NBEAL1: variants seen among roughly 807,000 people sequenced by gnomAD.
The protein encoded by NBEAL1 is neurobeachin like 1, also known as neurobeachin-like protein 1.
Under a neutral mutation model 351.3 loss-of-function variants are expected in NBEAL1, and 273 were observed. The ratio of observed to expected loss-of-function variants is 0.78; its 90% CI spans 0.70 to 0.86. The LOEUF is 0.86. Ranked by LOEUF, NBEAL1 falls within the 40% of genes least tolerant of loss-of-function variation. The pLI is 0.00. For missense variants in NBEAL1, 2,961 were observed against 3,201.3 expected, an observed-to-expected ratio of 0.92 and a Z score of 1.81; for synonymous variants, 1,050 against 1,086.4, an observed-to-expected ratio of 0.97 and a Z score of 0.66.
chr2:203,134,694 T>C (rs2063157636), intron 27 of NBEAL1, among the ~76,000 whole-genome samples: 1 of 152,232 alleles, frequency 6.6e-6, no homozygotes, highest in African/African-American at 2.4e-5. Flanking sequence ...CTTGTTTTTA[T>C]CTAAAAATTT....
chr2:203,130,875 G>T (rs1227998730), intron 25 of NBEAL1, among the ~76,000 whole-genome samples: 2 of 152,122 alleles, frequency 1.3e-5, no homozygotes, highest in East Asian at 3.8e-4. Context: ...CATGAAGTGG[G>T]TATTATTACT....
intron 36 of NBEAL1, among the ~76,000 whole-genome samples, chr2:203,164,601 T>G (rs2064075355): frequency 6.6e-6 from 1 of 152,164 alleles, no homozygotes; most frequent in East Asian, 1.9e-4. Flanking sequence ...AATATTAGTA[T>G]TTCAGTGTTT....
At position 203,220,221 on chromosome 2, in the gene NBEAL1, C is replaced by T. The variant is rs139548029; in HGVS notation, c.*2867C>T. On this transcript the variant is annotated 3_prime_UTR_variant, in exon 56 of 56. Transcript: ENST00000683969. ...TGTTACCTGGCCAATTGTGGTGGCT[C>T]ACGCCTATAATCCCAGCTCTTTGGG... is the stretch of plus-strand genomic sequence containing the variant. Among the ~76,000 whole-genome samples the T allele has an allele frequency of 0.02, 3,002 of 152,188 alleles. 98 individuals are homozygous for T. The highest frequency in any genetic ancestry group is 0.068 in the African/African-American group (2,815 of 41,518).
intron 15 of NBEAL1, among the ~76,000 whole-genome samples, 179 bp from the exon 16 acceptor site, chr2:203,111,800 T>A (rs890101144): frequency 6.6e-6 from 1 of 152,262 alleles, no homozygotes; most frequent in African/African-American, 2.4e-5. Flanking sequence ...TAGAATATGC[T>A]TACGTGCTTT....
At position 203,193,819 on chromosome 2, in the gene NBEAL1, G is replaced by A; in HGVS notation, c.6946G>A (p.Ala2316Thr). 2 of 1,611,432 alleles carry A rather than the reference G, an allele frequency of 1.2e-6. No homozygotes were observed. Among genetic ancestry groups the A allele is most frequent in the Non-Finnish European group, 1.7e-6 (2 of 1,178,570 alleles). ...GGAACCACACCCTCCAAGATTATCA[G>A]CAGAAGAAGCAGTGCAGAAGCCAAC... is the stretch of plus-strand genomic sequence containing the variant. Reference protein sequence around the residue: ...LKEPHPPRLSAEEAVQKPTKI... With the variant: ...LKEPHPPRLSTEEAVQKPTKI... The change falls in exon 47 of 56, where the codon GCA (alanine) becomes ACA (threonine). Residue 2316 changes from alanine (A) to threonine (T), a missense_variant. Physicochemically the swap from Ala to Thr is moderately conservative, Grantham distance 58. Transcript: ENST00000683969.
intron 43 of NBEAL1, chr2:203,180,997 T>C (rs561359612): frequency 1.5e-5 from 2 of 135,696 alleles, no homozygotes; most frequent in African/African-American, 5.3e-5. Flanking sequence ...AATGCAGTGC[T>C]GTGATCACTA....
At chr2:203,181,951 C>G (rs2064730553) in intron 43 of NBEAL1, 1 of 152,188 alleles carries the variant, frequency 6.6e-6, no homozygotes, top group Non-Finnish European at 1.5e-5. Context: ...CAATTTATAT[C>G]AGAGTTAGTT....
rs765999889 is a variant in NBEAL1, at chr2:203,193,854, C to T, written c.6981C>T (p.Asp2327=). The change falls in exon 47 of 56, where the codon GAC becomes GAT. Residue 2327 remains aspartate (D), a synonymous_variant. Coordinates refer to ENST00000683969, the MANE Select transcript of NBEAL1 (RefSeq NM_001378026.1). ...CAGTGCAGAAGCCAACCAAAATAGACACTTCAACCCTAAACCTGTTTCAAC... is the reference window on the plus strand; with the variant it reads ...CAGTGCAGAAGCCAACCAAAATAGATACTTCAACCCTAAACCTGTTTCAAC... The part of the protein sequence containing the change: ...EEAVQKPTKI[D]TSTLNLFQHL... 9.9e-6 allele frequency: 16 copies of T among 1,612,456 alleles called. No individual in the cohort carries two copies. In the South Asian group the frequency reaches 1.8e-4, roughly 18 times the overall value.
intron 41 of NBEAL1, 84 bp from the exon 42 acceptor site, chr2:203,175,063 A>G: frequency 8.5e-7 from 1 of 1,180,566 alleles, no homozygotes; most frequent in Non-Finnish European, 1.2e-6. Context: ...TAAAAACTGT[A>G]TTTTCAGAAA....
intron 2 of NBEAL1, among the ~76,000 whole-genome samples, chr2:203,032,577 G>A (rs1267983242): frequency 1.3e-5 from 2 of 149,488 alleles, no homozygotes; most frequent in Non-Finnish European, 1.5e-5. Context: ...GGAGAATGGC[G>A]TGAACCCGGG....
intron 38 of NBEAL1, among the ~76,000 whole-genome samples, chr2:203,167,623 T>C (rs1426591467): frequency 1.3e-5 from 2 of 152,226 alleles, no homozygotes; most frequent in African/African-American, 4.8e-5. Flanking sequence ...TGATGTAATA[T>C]ACAATATGTA....
chr2:203,132,128 T>A lies in NBEAL1; in HGVS notation c.3720T>A (p.Asn1240Lys), dbSNP rs1242045156. ...AAAACCTCACCCATCAAATCATAAATACAGGTATGAATAAGGCTAATAAAG... is the reference window on the plus strand; with the variant it reads ...AAAACCTCACCCATCAAATCATAAAAACAGGTATGAATAAGGCTAATAAAG... Reference protein sequence around the residue: ...LIKNLTHQIINTDPVINFKDL... With the variant: ...LIKNLTHQIIKTDPVINFKDL... The change falls in exon 26 of 56, where the codon AAT becomes AAA. Residue 1240 changes from asparagine (N) to lysine (K), a missense_variant. Physicochemically the swap from Asn to Lys is moderately conservative, Grantham distance 94. Coordinates refer to ENST00000683969, the MANE Select transcript of NBEAL1 (RefSeq NM_001378026.1). 8.6e-6 allele frequency: 13 copies of A among 1,515,322 alleles called. No individual in the cohort carries two copies. The Admixed American group carries it at 1.2e-4, about 14-fold the overall frequency. The allele number at this position is 1,515,322 out of a possible 1,614,324, so 93.9% of individuals were successfully genotyped here.
chr2:203,124,434 T>C (rs547176887), intron 19 of NBEAL1, among the ~76,000 whole-genome samples: 4 of 152,298 alleles, frequency 2.6e-5, no homozygotes, highest in South Asian at 4.1e-4. Flanking sequence ...AAATTACATT[T>C]TATTAGGGAG....
At chr2:203,081,813 A>G (rs2061878686) in intron 8 of NBEAL1, among the ~76,000 whole-genome samples, 1 of 152,234 alleles carries the variant, frequency 6.6e-6, no homozygotes, top group African/African-American at 2.4e-5. Flanking sequence ...TTTTAAAGAC[A>G]TACTGAGGCC....
At chr2:203,084,016 G>A (rs1486346428) in intron 9 of NBEAL1, among the ~76,000 whole-genome samples, 1 of 150,732 alleles carries the variant, frequency 6.6e-6, no homozygotes, top group Non-Finnish European at 1.5e-5. Flanking sequence ...GTGTGTGTGT[G>A]TGTGTTTCTC....
Position 203,062,363 on chromosome 2 carries a change from G to C in NBEAL1, c.515+4910G>C. On this transcript the variant is annotated intron_variant, in intron 6 of 55. Transcript: ENST00000683969. This position sits in a 1 kb window ranked among gnomAD's most constrained non-coding sequence, Gnocchi z 4.2. ...ATCCAGCAACGCCCACTCCTGAGGG[G>C]TGAAGGTTACAGCCACATCCTCAAA... The C allele has an allele frequency of 2.1e-6, 1 of 481,906 alleles. No individual in the cohort carries two copies. Among genetic ancestry groups the C allele is most frequent in the Non-Finnish European group, 4.1e-6 (1 of 241,114 alleles). 29.9% of individuals were successfully genotyped at this position (481,906 alleles called of 1,614,324 possible).
intron 2 of NBEAL1, among the ~76,000 whole-genome samples, chr2:203,036,418 A>G (rs564704100): frequency 6.7e-6 from 1 of 149,218 alleles, no homozygotes; most frequent in African/African-American, 2.4e-5. Context: ...ACACAGTTAA[A>G]GCCATTGTAG....
At chr2:203,111,862 C>T (rs1017919667) in intron 15 of NBEAL1, 117 bp from the exon 16 acceptor site, 38 of 1,152,678 alleles carry the variant, frequency 3.3e-5, no homozygotes, top group Non-Finnish European at 4.3e-5. Context: ...TTAACATTTA[C>T]GTTTAATCTT....
Position 203,083,431 on chromosome 2 carries a change from T to C in NBEAL1, c.897T>C (p.Phe299=). The change falls in exon 9 of 56, where the codon TTT becomes TTC. Residue 299 remains phenylalanine (F), a synonymous_variant. Transcript: ENST00000683969. Reference sequence around the variant, plus strand: ...CCAGTACTATTCTGGAGAACTATTTTAAATTGCTAAATTCAGATCATTCAG... The same window carrying C: ...CCAGTACTATTCTGGAGAACTATTTCAAATTGCTAAATTCAGATCATTCAG... ...VETSTILENY[F]KLLNSDHSAL... is the part of the protein sequence containing the mutation. 6.4e-7 allele frequency: 1 copy of C among 1,553,698 alleles called. No individual in the cohort carries two copies. Among genetic ancestry groups the C allele is most frequent in the Non-Finnish European group, 8.7e-7 (1 of 1,147,432 alleles).
Sources: gnomAD v4.1 joint callset for allele counts (sites outside exome capture counted in the v4.1 genomes callset) on GRCh38, gnomAD v4.1.1 for gene constraint, Gnocchi (gnomAD v3.1) non-coding constraint, MANE v1.5 for transcripts, NCBI Gene and HGNC (gene_info 2026-07-23, HGNC 2026-07-21) for gene names.